The following CCSER1 variants were observed in gnomAD, a reference collection of about 807,000 sequenced individuals.
The protein encoded by CCSER1 is coiled-coil serine rich protein 1, also known as serine-rich coiled-coil domain-containing protein 1.
CCSER1 carries 41 observed loss-of-function variants against 82.0 expected under a neutral mutation model. That is an observed-to-expected ratio of 0.50 (90% CI 0.39 to 0.65). The LOEUF (loss-of-function observed/expected upper bound fraction) is 0.65, where lower values mean the gene tolerates loss of function less well. Among genes scored for constraint, CCSER1 ranks in the 30% least tolerant of loss-of-function variants. CCSER1 has a pLI of 0.00. For synonymous variants in CCSER1, 414 were observed against 383.9 expected (o/e 1.08, Z -0.92); for missense variants, 1,119 against 1,064.2 (o/e 1.05, Z -0.72).
At chr4:90,998,724 T>G (rs1006226827) in intron 9 of CCSER1, among the ~76,000 whole-genome samples, 1 of 11,182 alleles carries the variant, frequency 8.9e-5, no homozygotes, top group Non-Finnish European at 4.1e-4. Flanking sequence ...CATTACACAG[T>G]TTTTTTTTTT....
chr4:90,147,821 A>T (rs1726102021), intron 1 of CCSER1, among the ~76,000 whole-genome samples: 2 of 152,190 alleles, frequency 1.3e-5, no homozygotes, highest in South Asian at 4.1e-4. Flanking sequence ...TTAGAATGTG[A>T]TTGTGATCAA....
rs557149861 is a variant in CCSER1, at chr4:90,916,313, G to C, written c.2095-7057G>C. Among the ~76,000 whole-genome samples the C allele has an allele frequency of 7.9e-5, 12 of 152,264 alleles. No individual in the cohort carries two copies. The East Asian group carries it at 1.4e-3, about 17-fold the overall frequency. ...GCAGCATGGTACTGGTACCAAAACA[G>C]AGATATAGACCAATGGAACAGAACA... is the stretch of plus-strand genomic sequence containing the variant. On this transcript the variant is annotated intron_variant, in intron 8 of 10. Coordinates refer to ENST00000509176, the MANE Select transcript of CCSER1 (RefSeq NM_001145065.2).
chr4:90,283,937 T>C (rs1729351365), intron 1 of CCSER1, among the ~76,000 whole-genome samples: 1 of 152,046 alleles, frequency 6.6e-6, no homozygotes, highest in Non-Finnish European at 1.5e-5. Context: ...TTAATTTACA[T>C]TCCCACTGTG....
intron 10 of CCSER1, among the ~76,000 whole-genome samples, chr4:91,466,002 A>T: frequency 6.6e-6 from 1 of 152,216 alleles, no homozygotes; most frequent in East Asian, 1.9e-4. Context: ...AACTCATTTT[A>T]TGAGGCCAGC....
chr4:90,923,370 G>A lies in CCSER1; in HGVS notation c.2095G>A (p.Gly699Arg). 1.9e-6 allele frequency: 3 copies of A among 1,550,804 alleles called. No homozygotes were observed. Among genetic ancestry groups the A allele is most frequent in the African/African-American group, 1.4e-5 (1 of 73,130 alleles). ...TTGTTGCTGTTTTTTCATTTTGCAG[G>A]GAAAAGTCCGGCATTTACAGAAGGC... ...ELISQLQEEL[G>R]KVRHLQKAFA... The change falls in exon 9 of 11, where the codon GGA becomes AGA. Residue 699 changes from glycine to arginine, a missense_variant and splice_region_variant. Physicochemically the swap from Gly to Arg is moderately radical, Grantham distance 125. Coordinates refer to ENST00000509176, the MANE Select transcript of CCSER1 (RefSeq NM_001145065.2).
chr4:91,522,190 G>A (rs570826687), intron 10 of CCSER1, among the ~76,000 whole-genome samples: 4 of 152,292 alleles, frequency 2.6e-5, no homozygotes, highest in African/African-American at 9.6e-5. Context: ...GATGGTTGTA[G>A]ATGTGTGGTG....
chr4:90,840,317 C>T (rs1580726266), intron 8 of CCSER1, among the ~76,000 whole-genome samples: 1 of 152,122 alleles, frequency 6.6e-6, no homozygotes, highest in African/African-American at 2.4e-5. Flanking sequence ...TTTTCTATTA[C>T]AAAAGACGTT....
intron 10 of CCSER1, among the ~76,000 whole-genome samples, chr4:91,388,452 CTA>C (rs1751442312): frequency 1.3e-5 from 2 of 152,014 alleles, no homozygotes; most frequent in Non-Finnish European, 2.9e-5. Context: ...CATAGGGAAA[CTA>C]TATGTTTACT....
chr4:91,294,247 T>C (rs1406195819), intron 10 of CCSER1, among the ~76,000 whole-genome samples: 1 of 151,996 alleles, frequency 6.6e-6, no homozygotes, highest in Non-Finnish European at 1.5e-5. Context: ...TGTGAAAATT[T>C]CCTTTTAATG....
At chr4:90,325,603 G>A (rs1032762980) in intron 3 of CCSER1, 4 of 442,328 alleles carry the variant, frequency 9.0e-6, no homozygotes, top group Non-Finnish European at 1.8e-5. Flanking sequence ...CAGGGTCTGC[G>A]ACAGATCTCT....
intron 8 of CCSER1, among the ~76,000 whole-genome samples, chr4:90,919,374 A>G (rs953855600): frequency 6.6e-6 from 1 of 151,878 alleles, no homozygotes; most frequent in African/African-American, 2.4e-5. Context: ...ATCTTGTGTG[A>G]TATTTACCAA....
chr4:90,582,754 T>C (rs1781541829), intron 5 of CCSER1, among the ~76,000 whole-genome samples: 1 of 152,292 alleles, frequency 6.6e-6, no homozygotes, highest in South Asian at 2.1e-4. Context: ...AAAGTAACCC[T>C]TTTCAGGTAT....
chr4:90,404,734 G>T (rs1380655396), intron 4 of CCSER1, among the ~76,000 whole-genome samples: 1 of 152,178 alleles, frequency 6.6e-6, no homozygotes, highest in Non-Finnish European at 1.5e-5. Flanking sequence ...CAGTAGCTCT[G>T]CTGGTTGGCT....
chr4:90,877,788 A>G lies in CCSER1; in HGVS notation c.2095-45582A>G, dbSNP rs528844167. Among the ~76,000 whole-genome samples the G allele has an allele frequency of 2.2e-4, 34 of 151,784 alleles. No individual in the cohort carries two copies. In the South Asian group the frequency reaches 6.8e-3, roughly 31 times the overall value. ...TGGAGATCTTGCATGATACCACTAC[A>G]TCAGTGGCACTAAACCCAATAAGAT... On this transcript the variant is annotated intron_variant, in intron 8 of 10. Transcript: ENST00000509176.
intron 6 of CCSER1, among the ~76,000 whole-genome samples, chr4:90,701,280 G>A (rs1479656209): frequency 6.6e-6 from 1 of 152,138 alleles, no homozygotes; most frequent in African/African-American, 2.4e-5. Context: ...GTTTGTCAAA[G>A]ATCAGATGGT....
chr4:91,120,082 G>A (rs1561563986), intron 10 of CCSER1, among the ~76,000 whole-genome samples: 1 of 151,836 alleles, frequency 6.6e-6, no homozygotes, highest in African/African-American at 2.4e-5. Context: ...ATAGAGAGTG[G>A]GGTATGGAGA....
intron 6 of CCSER1, among the ~76,000 whole-genome samples, chr4:90,692,625 A>C (rs1213999358): frequency 6.6e-6 from 1 of 151,912 alleles, no homozygotes; most frequent in Non-Finnish European, 1.5e-5. Flanking sequence ...TGACGTATGA[A>C]TTCTACTTCA....
At chr4:91,212,642 G>C (rs557416348) in intron 10 of CCSER1, among the ~76,000 whole-genome samples, 4 of 151,520 alleles carry the variant, frequency 2.6e-5, no homozygotes, top group African/African-American at 9.7e-5. Flanking sequence ...AAACTGTGAG[G>C]GTAAAAGAAA....
chr4:91,341,515 T>C (rs1747716653), intron 10 of CCSER1, among the ~76,000 whole-genome samples: 1 of 152,178 alleles, frequency 6.6e-6, no homozygotes, highest in Non-Finnish European at 1.5e-5. Flanking sequence ...AGCATGTGCA[T>C]TTAGAATAAA....
Sources: allele counts gnomAD v4.1 joint callset (sites outside exome capture counted in the v4.1 genomes callset), GRCh38; gene constraint gnomAD v4.1.1; transcripts MANE v1.5; gene names NCBI Gene and HGNC (gene_info 2026-07-23, HGNC 2026-07-21).